The following DPY19L1 variants were observed in gnomAD, a reference collection of about 807,000 sequenced individuals.
DPY19L1 encodes the protein protein C-mannosyl-transferase DPY19L1.
A neutral mutation model predicts 96.9 loss-of-function variants in DPY19L1; 35 were observed. The observed-to-expected ratio is 0.36, with a 90% CI of 0.28 to 0.48. DPY19L1 has a LOEUF of 0.48. Ranked by LOEUF, DPY19L1 falls within the 20% of genes least tolerant of loss-of-function variation. The probability of loss-of-function intolerance (pLI) is 0.99; values close to 1 mark genes in which losing one functional copy is unlikely to be tolerated. For synonymous variants in DPY19L1, 205 were observed against 252.6 expected (o/e 0.81, Z 1.79); for missense variants, 521 against 777.9 (o/e 0.67, Z 3.93).
At chr7:34,989,111 A>C (rs1785109608) in intron 7 of DPY19L1, among the ~76,000 whole-genome samples, 1 of 152,180 alleles carries the variant, frequency 6.6e-6, no homozygotes, top group African/African-American at 2.4e-5. Flanking sequence ...TATTTTTTAC[A>C]ATACTGTTGT....
In DPY19L1 at chr7:34,929,326, C is replaced by T. The variant is rs1052576081; in HGVS notation, c.*2247G>A. On this transcript the variant is annotated 3_prime_UTR_variant, in exon 22 of 22. Coordinates refer to ENST00000638088, the MANE Select transcript of DPY19L1 (RefSeq NM_001366673.1). ...GTGGCCACGGCTGCATAGCAGGGAC[C>T]TTCAGGCCTCTGCTCCAAACTGGCT... The T allele has an allele frequency of 6.6e-6, 1 of 152,188 alleles. No homozygotes were observed. The highest frequency in any genetic ancestry group is 1.5e-5 in the Non-Finnish European group (1 of 68,046). The allele number at this position is 152,188 out of a possible 1,614,324, so 9.4% of individuals were successfully genotyped here. A position where few individuals can be genotyped will look rare whatever the true frequency, so the allele number is the denominator to read the frequency against.
At position 35,011,378 on chromosome 7, in the gene DPY19L1, A is replaced by G; in HGVS notation, c.622T>C (p.Trp208Arg). The G allele has an allele frequency of 1.9e-6, 3 of 1,613,674 alleles. No homozygotes were observed. The highest frequency in any genetic ancestry group is 1.7e-6 in the Non-Finnish European group (2 of 1,179,888). ...DLIGIQTKIC[W>R]TVTRGEGLSP... ...AGTCCTTCTCCTCTGGTAACCGTCCAACATATCTTGGTTTGAATACCAATC... is the reference window on the plus strand; with the variant it reads ...AGTCCTTCTCCTCTGGTAACCGTCCGACATATCTTGGTTTGAATACCAATC... The change falls in exon 5 of 22, where the codon TGG becomes CGG. Residue 208 changes from tryptophan (W) to arginine (R), a missense_variant. Coordinates refer to ENST00000638088, the MANE Select transcript of DPY19L1 (RefSeq NM_001366673.1).
chr7:34,989,834 G>T, intron 7 of DPY19L1, 50 bp downstream of exon 7: 1 of 1,455,742 alleles, frequency 6.9e-7, no homozygotes, highest in Non-Finnish European at 9.3e-7. Flanking sequence ...ATTTAAAGAA[G>T]AAAACTGCAT....
chr7:34,977,444 A>G (rs1562813921), intron 7 of DPY19L1, among the ~76,000 whole-genome samples: 1 of 152,236 alleles, frequency 6.6e-6, no homozygotes, highest in Non-Finnish European at 1.5e-5. Flanking sequence ...CCAAAACTGA[A>G]TTATATCCTC....
At chr7:35,004,066 A>T (rs1785494348) in intron 6 of DPY19L1, among the ~76,000 whole-genome samples, 1 of 152,170 alleles carries the variant, frequency 6.6e-6, no homozygotes. Flanking sequence ...AAACTACAGG[A>T]GCCTTTTGTT....
At chr7:35,031,081 A>G (rs1391192408) in intron 1 of DPY19L1, among the ~76,000 whole-genome samples, 1 of 152,196 alleles carries the variant, frequency 6.6e-6, no homozygotes, top group Non-Finnish European at 1.5e-5. Flanking sequence ...AAACATATGA[A>G]TAATAAAGCC....
chr7:35,034,938 G>T (rs1192103624), intron 1 of DPY19L1, among the ~76,000 whole-genome samples: 1 of 152,156 alleles, frequency 6.6e-6, no homozygotes, highest in African/African-American at 2.4e-5. Context: ...TGGGAGGGGG[G>T]AAGAAAACAG....
At chr7:34,994,003 C>A (rs1192509790) in intron 6 of DPY19L1, among the ~76,000 whole-genome samples, 1 of 152,028 alleles carries the variant, frequency 6.6e-6, no homozygotes. Context: ...AAGGTGGAGG[C>A]TACAATAAGC....
intron 7 of DPY19L1, among the ~76,000 whole-genome samples, chr7:34,977,320 C>A (rs913852609): frequency 6.6e-6 from 1 of 152,124 alleles, no homozygotes; most frequent in Non-Finnish European, 1.5e-5. Context: ...ATGTAATGTA[C>A]AATTTGAGAA....
rs766180985 is a variant in DPY19L1, at chr7:35,013,708, GAAAT to G, written c.412-7_412-4del. On this transcript the variant is annotated splice_region_variant and splice_polypyrimidine_tract_variant and intron_variant, in intron 3 of 21. Transcript: ENST00000638088. ...TTGAAATAGGAATAATATAGTCCCT[GAAAT>G]AAAGATATGCTCAATTAAAATAACA... The G allele has an allele frequency of 1.9e-6, 3 of 1,583,942 alleles. No individual in the cohort carries two copies. The African/African-American group carries it at 4.0e-5, about 21-fold the overall frequency.
chr7:35,037,925 C>G, upstream of DPY19L1: 1 of 1,233,636 alleles, frequency 8.1e-7, no homozygotes, highest in South Asian at 4.1e-5. Context: ...GAAGGAAGAG[C>G]CCTCTCGGGA....
intron 11 of DPY19L1, among the ~76,000 whole-genome samples, chr7:34,955,853 G>A (rs895522840): frequency 7.2e-5 from 11 of 152,004 alleles, no homozygotes; most frequent in African/African-American, 2.4e-4. Flanking sequence ...CTTCAAACAT[G>A]GCAAAAATAT....
In DPY19L1 at chr7:34,966,963, T is replaced by C. The variant is rs2128667106; in HGVS notation, c.1023A>G (p.Ser341=). 3 of 1,526,918 alleles carry C rather than the reference T, an allele frequency of 2.0e-6. No individual in the cohort carries two copies. Among genetic ancestry groups the C allele is most frequent in the East Asian group, 2.5e-5 (1 of 40,598 alleles). 94.6% of individuals were successfully genotyped at this position (1,526,918 alleles called of 1,614,324 possible). ...ACCCGACAACATATACTGCAAATAA[T>C]GATGCAATCTGAAATTTAAAAAGAA... is the stretch of plus-strand genomic sequence containing the variant. The part of the protein sequence containing the change: ...AQFVLLTQIA[S]LFAVYVVGYI... Residue 341 remains serine (S), a synonymous_variant, in exon 10 of 22, where the codon TCA becomes TCG. Coordinates refer to ENST00000638088, the MANE Select transcript of DPY19L1 (RefSeq NM_001366673.1).
chr7:35,032,937 T>C (rs1483992903), intron 1 of DPY19L1, among the ~76,000 whole-genome samples: 1 of 152,194 alleles, frequency 6.6e-6, no homozygotes, highest in Non-Finnish European at 1.5e-5. Flanking sequence ...GCAACCCTCT[T>C]GCTAGGTCCG....
chr7:34,981,636 A>G (rs1369301741), intron 7 of DPY19L1, among the ~76,000 whole-genome samples: 2 of 152,204 alleles, frequency 1.3e-5, no homozygotes, highest in East Asian at 3.8e-4. Flanking sequence ...ACAACATCAT[A>G]TGTGCCATAT....
At chr7:34,960,245 AAC>A (rs1784474646) in intron 10 of DPY19L1, among the ~76,000 whole-genome samples, 1 of 151,902 alleles carries the variant, frequency 6.6e-6, no homozygotes, top group Non-Finnish European at 1.5e-5. Context: ...TTTATTCAAT[AAC>A]GTGTTATTTA....
At chr7:35,037,961 G>A (rs985424585), upstream of DPY19L1, 11 of 1,176,124 alleles carry the variant, frequency 9.4e-6, no homozygotes, top group Non-Finnish European at 1.2e-5. Context: ...AAGTTTCGGA[G>A]CCTGTTAAGG....
At chr7:34,947,202 T>G (rs1006641930) in intron 15 of DPY19L1, among the ~76,000 whole-genome samples, 6 of 152,220 alleles carry the variant, frequency 3.9e-5, no homozygotes, top group African/African-American at 1.4e-4. Flanking sequence ...CATCAACACA[T>G]TGCAAATACT....
chr7:34,979,516 C>T (rs1784895812), intron 7 of DPY19L1, among the ~76,000 whole-genome samples: 1 of 152,044 alleles, frequency 6.6e-6, no homozygotes, highest in Non-Finnish European at 1.5e-5. Flanking sequence ...AGAATATACT[C>T]TTAGGAGAAA....
Sources: allele counts gnomAD v4.1 joint callset (sites outside exome capture counted in the v4.1 genomes callset), GRCh38; gene constraint gnomAD v4.1.1; transcripts MANE v1.5; gene names NCBI Gene and HGNC (gene_info 2026-07-23, HGNC 2026-07-21).